Variants in ZNF773 observed in about 807,000 individuals in gnomAD.
ZNF773 encodes zinc finger protein 419B.
A neutral mutation model predicts 12.8 loss-of-function variants in ZNF773; 11 were observed. The ratio of observed to expected loss-of-function variants is 0.86; its 90% CI spans 0.54 to 1.42. The LOEUF (loss-of-function observed/expected upper bound fraction) is 1.42, where lower values mean the gene tolerates loss of function less well. Ranked by LOEUF, ZNF773 falls within the 40% of genes most tolerant of loss-of-function variation. The pLI is 0.00. For missense variants in ZNF773, 518 were observed against 527.2 expected, an observed-to-expected ratio of 0.98 and a Z score of 0.17; for synonymous variants, 175 against 178.4, an observed-to-expected ratio of 0.98 and a Z score of 0.15.
downstream of ZNF773, among the ~76,000 whole-genome samples, chr19:57,511,525 C>G (rs1193251143): frequency 6.6e-6 from 1 of 152,086 alleles, no homozygotes; most frequent in Non-Finnish European, 1.5e-5. Context: ...CTCTTTTCAA[C>G]AAAGTTGCAA....
downstream of ZNF773, chr19:57,514,479 G>T (rs1424694584): frequency 2.0e-5 from 3 of 152,194 alleles, no homozygotes; most frequent in East Asian, 5.8e-4. Context: ...ATAGCTTGTA[G>T]AACAGATGCT....
At position 57,506,579 on chromosome 19, in the gene ZNF773, G is replaced by A; in HGVS notation, c.484G>A (p.Val162Ile). ...VGKDLLTSSG[V>I]LKHQVTHTGE... ...GAAGGATCTTCTGACCAGCTCAGGT[G>A]TTCTCAAGCACCAGGTGACTCACAC... The change falls in exon 4 of 4, where the codon GTT becomes ATT. Residue 162 changes from valine to isoleucine, a missense_variant. Transcript: ENST00000282292. 1.2e-6 allele frequency: 2 copies of A among 1,614,202 alleles called. No individual in the cohort carries two copies. The highest frequency in any genetic ancestry group is 1.6e-4 in the Middle Eastern group (1 of 6,062).
In ZNF773 at chr19:57,499,999, G is replaced by C; in HGVS notation, c.-82G>C. 1.3e-6 allele frequency: 2 copies of C among 1,511,880 alleles called. No individual in the cohort carries two copies. Among genetic ancestry groups the C allele is most frequent in the Non-Finnish European group, 1.8e-6 (2 of 1,125,468 alleles). 93.7% of individuals were successfully genotyped at this position (1,511,880 alleles called of 1,614,324 possible). A position where few individuals can be genotyped will look rare whatever the true frequency, so the allele number is the denominator to read the frequency against. On this transcript the variant is annotated 5_prime_UTR_variant, in exon 1 of 4. Coordinates refer to ENST00000282292, the MANE Select transcript of ZNF773 (RefSeq NM_198542.3). Reference sequence around the variant, plus strand: ...GGACGCGCTGTGTTCTCGCAGCTCAGAGGCGGGTCTGAGGCTCGGTGGCGG... The same window carrying C: ...GGACGCGCTGTGTTCTCGCAGCTCACAGGCGGGTCTGAGGCTCGGTGGCGG...
Position 57,507,710 on chromosome 19 carries a change from A to T in ZNF773, c.*286A>T. 1 of 1,205,884 alleles carries T rather than the reference A, an allele frequency of 8.3e-7. No homozygotes were observed. Among genetic ancestry groups the T allele is most frequent in the Non-Finnish European group, 1.0e-6 (1 of 971,164 alleles). The allele number at this position is 1,205,884 out of a possible 1,614,324, so 74.7% of individuals were successfully genotyped here. A position where few individuals can be genotyped will look rare whatever the true frequency, so the allele number is the denominator to read the frequency against. Reference sequence around the variant, plus strand: ...CAGAAACAGCCAGGCGTGGTGGCTGACACCTGTTATTCTCACCACTTTGGG... The same window carrying T: ...CAGAAACAGCCAGGCGTGGTGGCTGTCACCTGTTATTCTCACCACTTTGGG... On this transcript the variant is annotated 3_prime_UTR_variant, in exon 4 of 4. Transcript: ENST00000282292.
chr19:57,509,629 C>T (rs1465356674), downstream of ZNF773, among the ~76,000 whole-genome samples: 1 of 152,196 alleles, frequency 6.6e-6, no homozygotes, highest in East Asian at 1.9e-4. Context: ...ACGGTTTAAA[C>T]AACACAAATA....
downstream of ZNF773, chr19:57,513,127 C>G: frequency 7.0e-7 from 1 of 1,427,664 alleles, no homozygotes; most frequent in Non-Finnish European, 9.2e-7. Flanking sequence ...AACCCCAGGA[C>G]AAGTCTGCTG....
downstream of ZNF773, among the ~76,000 whole-genome samples, chr19:57,511,053 TTA>T (rs1286853766): frequency 1.4e-4 from 18 of 130,246 alleles, no homozygotes; most frequent in East Asian, 1.4e-3. Flanking sequence ...TTTATTTTAT[TTA>T]TTTTTTTTTT....
At chr19:57,508,671 A>AT, downstream of ZNF773, 2 of 629,384 alleles carry the variant, frequency 3.2e-6, no homozygotes, top group Non-Finnish European at 5.8e-6. Context: ...CCATTTCTTC[A>AT]TATTACTGAC....
In ZNF773 at chr19:57,505,539, AC is replaced by A; in HGVS notation, c.262+142del. ...GATTTCTATCTTTTCTTCCTCAGTC[AC>A]CCATTTATATCTATTCTGATAGTTG... On this transcript the variant is annotated intron_variant, in intron 3 of 3. Coordinates refer to ENST00000282292, the MANE Select transcript of ZNF773 (RefSeq NM_198542.3). 3 of 989,604 alleles carry A rather than the reference AC, an allele frequency of 3.0e-6. No homozygotes were observed. The South Asian group carries it at 3.9e-5, about 13-fold the overall frequency. The allele number at this position is 989,604 out of a possible 1,614,324, so 61.3% of individuals were successfully genotyped here. A position where few individuals can be genotyped will look rare whatever the true frequency, so the allele number is the denominator to read the frequency against.
chr19:57,511,208 T>G (rs975806), downstream of ZNF773, among the ~76,000 whole-genome samples: 31,279 of 151,508 alleles, frequency 0.21, 3,356 homozygotes, highest in African/African-American at 0.25. Context: ...CCGCCACCTC[T>G]CCCGGATACT....
At chr19:57,513,323 C>A, downstream of ZNF773, 1 of 319,924 alleles carries the variant, frequency 3.1e-6, no homozygotes, top group Non-Finnish European at 5.7e-6. Context: ...AGGAGGTTAT[C>A]ACGCATAACC....
At position 57,506,432 on chromosome 19, in the gene ZNF773, C is replaced by A. The variant is rs370538992; in HGVS notation, c.337C>A (p.Gln113Lys). 8.7e-6 allele frequency: 14 copies of A among 1,614,106 alleles called. No homozygotes were observed. In the African/African-American group the frequency reaches 1.9e-4, roughly 22 times the overall value. ...ASVEVPSSNV[Q>K]QHQKQHCGEK... ...TGTAGAAGTGCCCAGTTCAAACGTT[C>A]AGCAACACCAGAAGCAGCACTGTGG... Residue 113 changes from glutamine (Q) to lysine (K), a missense_variant, in exon 4 of 4, where the codon CAG (glutamine) becomes AAG (lysine). Coordinates refer to ENST00000282292, the MANE Select transcript of ZNF773 (RefSeq NM_198542.3).
rs374957498 is a variant in ZNF773 at position 57,506,602 on chromosome 19, C to A, written c.507C>A (p.His169Gln). ...SSGVLKHQVT[H>Q]TGEKSHRSSK... ...GTGTTCTCAAGCACCAGGTGACTCA[C>A]ACGGGAGAGAAGTCACATAGGAGCT... The change falls in exon 4 of 4, where the codon CAC becomes CAA. Residue 169 changes from histidine to glutamine, a missense_variant. Coordinates refer to ENST00000282292, the MANE Select transcript of ZNF773 (RefSeq NM_198542.3). The A allele has an allele frequency of 1.9e-6, 3 of 1,614,080 alleles. No individual in the cohort carries two copies. Among genetic ancestry groups the A allele is most frequent in the Non-Finnish European group, 2.5e-6 (3 of 1,180,036 alleles).
At position 57,502,130 on chromosome 19, in the gene ZNF773, C is replaced by T. The variant is rs1248224450; in HGVS notation, c.33+2017C>T. 5.3e-5 allele frequency among the ~76,000 whole-genome samples: 8 copies of T among 152,038 alleles called. No homozygotes were observed. In the East Asian group the frequency reaches 1.2e-3, roughly 22 times the overall value. On this transcript the variant is annotated intron_variant, in intron 1 of 3. Coordinates refer to ENST00000282292, the MANE Select transcript of ZNF773 (RefSeq NM_198542.3). ...GCTAATTTTGTATCTTTAGTAGAGACGGGGTTTCTCCATGTTGGTCAAGCA... is the reference window on the plus strand; with the variant it reads ...GCTAATTTTGTATCTTTAGTAGAGATGGGGTTTCTCCATGTTGGTCAAGCA...
At chr19:57,509,620 C>T (rs1296860269), downstream of ZNF773, among the ~76,000 whole-genome samples, 9 of 152,168 alleles carry the variant, frequency 5.9e-5, no homozygotes, top group South Asian at 2.1e-4. Flanking sequence ...CACAAACTTA[C>T]GGTTTAAACA....
downstream of ZNF773, among the ~76,000 whole-genome samples, chr19:57,512,759 G>C (rs1164416849): frequency 6.6e-6 from 1 of 152,156 alleles, no homozygotes; most frequent in East Asian, 1.9e-4. Context: ...GCTAAGGGCA[G>C]TCACACCCCA....
intron 1 of ZNF773, among the ~76,000 whole-genome samples, chr19:57,501,264 T>G (rs2089666866): frequency 6.8e-6 from 1 of 147,322 alleles, no homozygotes; most frequent in Admixed American, 6.9e-5. Flanking sequence ...AAACCCACAT[T>G]GTCTTTCTTT....
downstream of ZNF773, chr19:57,515,415 C>A (rs2089825545): frequency 6.6e-6 from 1 of 152,266 alleles, no homozygotes; most frequent in Non-Finnish European, 1.5e-5. Context: ...GCCTACCCCA[C>A]TTGCCAGCCT....
chr19:57,508,426 A>G (rs2089770537), downstream of ZNF773: 1 of 651,316 alleles, frequency 1.5e-6, no homozygotes, highest in Non-Finnish European at 2.8e-6. Flanking sequence ...TGCTGTTCTT[A>G]TGAATGTTAG....
Sources: allele counts gnomAD v4.1 joint callset (sites outside exome capture counted in the v4.1 genomes callset), GRCh38; gene constraint gnomAD v4.1.1; transcripts MANE v1.5; gene names NCBI Gene and HGNC (gene_info 2026-07-23, HGNC 2026-07-21).